Variants in AATK observed in about 807,000 individuals in gnomAD.
AATK encodes the protein lemur tail kinase 1.
In AATK, 91 loss-of-function variants were observed where a neutral mutation model predicts 114.3. The ratio of observed to expected loss-of-function variants is 0.80; its 90% CI spans 0.67 to 0.95. The LOEUF (loss-of-function observed/expected upper bound fraction) is 0.95, where lower values mean the gene tolerates loss of function less well. Among genes scored for constraint, AATK ranks in the 40% least tolerant of loss-of-function variants. The pLI, the probability that AATK is intolerant of heterozygous loss-of-function variation, is 0.00. For synonymous variants in AATK, 1,075 were observed against 916.5 expected, an observed-to-expected ratio of 1.17 and a Z score of -3.12; for missense variants, 2,176 against 1,965.2, an observed-to-expected ratio of 1.11 and a Z score of -2.03.
rs564793584 is a variant in AATK, at chr17:81,126,155, G to A, written c.755+272C>T. Among the ~76,000 whole-genome samples the A allele has an allele frequency of 6.6e-6, 1 of 152,324 alleles. No homozygotes were observed. Among genetic ancestry groups the A allele is most frequent in the Non-Finnish European group, 1.5e-5 (1 of 68,016 alleles). On this transcript the variant is annotated intron_variant, in intron 7 of 13. Coordinates refer to ENST00000326724, the MANE Select transcript of AATK (RefSeq NM_001080395.3). The surrounding 1 kb of genome is among the most constrained non-coding windows in gnomAD (Gnocchi z 5.1). ...GTGTGGGGTTGGCGCGGGGCTGCAG[G>A]GTGCTGGCTGACTGCCTCGGGGACA... is the stretch of plus-strand genomic sequence containing the variant.
chr17:81,123,311 T>C lies in AATK; in HGVS notation c.995A>G (p.Glu332Gly). The stretch of plus-strand genomic sequence containing the variant: ...CTGGGGATAGGGCTGCGTGCCCAGC[T>C]CAAAGAGCTCCCAGATGGTCACGCC... ...SLGVTIWELF[E>G]LGTQPYPQHS... The change falls in exon 10 of 14, where the codon GAG becomes GGG. Residue 332 changes from glutamate (E) to glycine (G), a missense_variant. Physicochemically the swap from Glu to Gly is moderately conservative, Grantham distance 98. Coordinates refer to ENST00000326724, the MANE Select transcript of AATK (RefSeq NM_001080395.3). 7.2e-7 allele frequency: 1 copy of C among 1,392,794 alleles called. No homozygotes were observed. 86.3% of individuals were successfully genotyped at this position (1,392,794 alleles called of 1,614,324 possible).
intron 1 of AATK, among the ~76,000 whole-genome samples, chr17:81,157,045 A>C (rs1051239764): frequency 2.6e-5 from 4 of 152,054 alleles, no homozygotes; most frequent in Non-Finnish European, 5.9e-5. Flanking sequence ...CCCAGCCCTG[A>C]ACCATCCCCA....
intron 1 of AATK, among the ~76,000 whole-genome samples, chr17:81,147,731 G>A (rs1263095295): frequency 1.3e-5 from 2 of 152,148 alleles, no homozygotes; most frequent in South Asian, 4.1e-4. Context: ...CTCGAGCCTG[G>A]GTGATGGAGC....
chr17:81,134,356 C>T lies in AATK; in HGVS notation c.189+12G>A. The T allele has an allele frequency of 2.5e-6, 4 of 1,612,754 alleles. No individual in the cohort carries two copies. Among genetic ancestry groups the T allele is most frequent in the Non-Finnish European group, 3.4e-6 (4 of 1,179,698 alleles). On this transcript the variant is annotated intron_variant, in intron 2 of 13. Transcript: ENST00000326724. ...GGATCCCACGACAGCTCCCGCGGCC[C>T]CCAGGCCTCACCTTGAACCCGATAC...
At chr17:81,151,782 T>G (rs1210855388) in intron 1 of AATK, among the ~76,000 whole-genome samples, 1 of 152,216 alleles carries the variant, frequency 6.6e-6, no homozygotes, top group East Asian at 1.9e-4. Flanking sequence ...ACCCTGAGGT[T>G]GTCTTTATTT....
chr17:81,163,452 G>T (rs1249001808), intron 1 of AATK, among the ~76,000 whole-genome samples: 2 of 152,220 alleles, frequency 1.3e-5, no homozygotes, highest in Non-Finnish European at 2.9e-5. Flanking sequence ...GCCCACACTA[G>T]TCTCCCCAGA....
At chr17:81,125,335 A>G (rs1448468106) in intron 7 of AATK, 1 of 695,452 alleles carries the variant, frequency 1.4e-6, no homozygotes, top group Non-Finnish European at 2.8e-6. Flanking sequence ...GGACCGGTCC[A>G]CGCTTCTCCA....
At position 81,118,256 on chromosome 17, in the gene AATK, C is replaced by T. The variant is rs1049089419; in HGVS notation, c.*146G>A. 9 of 783,638 alleles carry T rather than the reference C, an allele frequency of 1.1e-5. No individual in the cohort carries two copies. The highest frequency in any genetic ancestry group is 1.7e-5 in the African/African-American group (1 of 57,460). The allele number at this position is 783,638 out of a possible 1,614,324, so 48.5% of individuals were successfully genotyped here. ...AGGGCCTCTCATCCCACGGGCTTCT[C>T]CAGGACACCGCGTGGGGCAGAGGCA... On this transcript the variant is annotated 3_prime_UTR_variant, in exon 14 of 14. Coordinates refer to ENST00000326724, the MANE Select transcript of AATK (RefSeq NM_001080395.3).
intron 2 of AATK, among the ~76,000 whole-genome samples, chr17:81,134,145 C>G (rs1027925937): frequency 1.1e-4 from 16 of 152,202 alleles, no homozygotes; most frequent in Non-Finnish European, 4.4e-5. Flanking sequence ...CCACGCCCCC[C>G]ACAGAGGGCC....
intron 1 of AATK, among the ~76,000 whole-genome samples, chr17:81,148,441 C>A (rs1242711714): frequency 1.3e-5 from 2 of 152,260 alleles, no homozygotes; most frequent in Non-Finnish European, 1.5e-5. Flanking sequence ...GGAGCCCACC[C>A]CCGTCCACAG....
At chr17:81,165,812 C>A in intron 1 of AATK, 126 bp downstream of exon 1, 1 of 1,504,076 alleles carries the variant, frequency 6.6e-7, no homozygotes, top group East Asian at 2.6e-5. Flanking sequence ...CCGGCTGCTT[C>A]TGCTGCTGGG....
intron 2 of AATK, chr17:81,133,204 C>T: frequency 2.0e-6 from 1 of 490,310 alleles, no homozygotes; most frequent in Non-Finnish European, 4.2e-6. Flanking sequence ...GGGCCTGTGG[C>T]CACTTCAGAG....
At position 81,120,459 on chromosome 17, in the gene AATK, C is replaced by T. The variant is rs1288464724; in HGVS notation, c.3477G>A (p.Glu1159=). 1 of 1,544,336 alleles carries T rather than the reference C, an allele frequency of 6.5e-7. No individual in the cohort carries two copies. Among genetic ancestry groups the T allele is most frequent in the Non-Finnish European group, 8.8e-7 (1 of 1,140,802 alleles). ...TGTCCTCACTGTCCTCCTCCTCCTC[C>T]TCCGGCCGGCCCTCCAAGGCCGCAG... ...GLPAALEGRP[E]EEEEDSEDSD... The change falls in exon 11 of 14, where the codon GAG becomes GAA. Residue 1159 remains glutamate, a synonymous_variant. Coordinates refer to ENST00000326724, the MANE Select transcript of AATK (RefSeq NM_001080395.3).
chr17:81,136,718 C>T (rs572152279), intron 1 of AATK, among the ~76,000 whole-genome samples: 1 of 152,230 alleles, frequency 6.6e-6, no homozygotes, highest in African/African-American at 2.4e-5. Context: ...GGGCACCAGG[C>T]AGGCCTGCCC....
At chr17:81,120,164 C>A in intron 11 of AATK, 37 bp downstream of exon 11, 1 of 1,534,066 alleles carries the variant, frequency 6.5e-7, no homozygotes, top group Non-Finnish European at 8.8e-7. Flanking sequence ...GAGCGCGACC[C>A]CCAGCCCCGG....
chr17:81,135,294 G>A (rs1417020802), intron 1 of AATK, among the ~76,000 whole-genome samples: 1 of 152,190 alleles, frequency 6.6e-6, no homozygotes, highest in Non-Finnish European at 1.5e-5. Context: ...TCCATCTGCT[G>A]CCCACAGGAT....
At chr17:81,159,750 G>C (rs1351583955) in intron 1 of AATK, among the ~76,000 whole-genome samples, 4 of 152,014 alleles carry the variant, frequency 2.6e-5, no homozygotes, top group Non-Finnish European at 5.9e-5. Flanking sequence ...TCCCACAACG[G>C]CCTCAAGCCA....
In AATK at chr17:81,121,214, TGTCCAGGGA is replaced by T. The variant is rs767272422; in HGVS notation, c.2713_2721del (p.Ser905_Asp907del). ...CCACCATCACTGGCTGAGGACGGGA[TGTCCAGGGA>T]GTCCAGGGAGTCGGGGGTCCCCACC... is the stretch of plus-strand genomic sequence containing the variant. On this transcript the variant is annotated inframe_deletion, in exon 11 of 14. Coordinates refer to ENST00000326724, the MANE Select transcript of AATK (RefSeq NM_001080395.3). 5.2e-5 allele frequency: 84 copies of T among 1,605,450 alleles called. No homozygotes were observed. Among genetic ancestry groups the T allele is most frequent in the African/African-American group, 2.9e-4 (22 of 74,786 alleles).
In AATK at chr17:81,128,916, A is replaced by G. The variant is rs920167610; in HGVS notation, c.335-367T>C. ...GCAAGAGGCTGGGGCCACGGCACAG[A>G]GAGGGCACTGGAGCGGCCCACCCCC... On this transcript the variant is annotated intron_variant, in intron 3 of 13. Transcript: ENST00000326724. 11 of 1,133,806 alleles carry G rather than the reference A, an allele frequency of 9.7e-6. No individual in the cohort carries two copies. In the African/African-American group the frequency reaches 1.6e-4, roughly 17 times the overall value. 70.2% of individuals were successfully genotyped at this position (1,133,806 alleles called of 1,614,324 possible). A position where few individuals can be genotyped will look rare whatever the true frequency, so the allele number is the denominator to read the frequency against.
Sources: allele counts gnomAD v4.1 joint callset (sites outside exome capture counted in the v4.1 genomes callset), GRCh38; gene constraint gnomAD v4.1.1; non-coding constraint Gnocchi (gnomAD v3.1); transcripts MANE v1.5; gene names NCBI Gene and HGNC (gene_info 2026-07-23, HGNC 2026-07-21).